CPED1: variants seen among roughly 807,000 people sequenced by gnomAD.
CPED1 encodes cadherin like and PC-esterase domain containing 1.
In CPED1, 114 loss-of-function variants were observed where a neutral mutation model predicts 128.2. That is an observed-to-expected ratio of 0.89 (90% CI 0.76 to 1.04). The LOEUF (loss-of-function observed/expected upper bound fraction) is 1.04. Among genes scored for constraint, CPED1 ranks in the 50% least tolerant of loss-of-function variants. The probability of loss-of-function intolerance (pLI) is 0.00; values close to 1 mark genes in which losing one functional copy is unlikely to be tolerated. For missense variants in CPED1, 1,211 were observed against 1,207.1 expected (o/e 1.00, Z -0.05); for synonymous variants, 462 against 426.7 (o/e 1.08, Z -1.02).
chr7:121,100,331 G>A (rs1794818813), intron 7 of CPED1, among the ~76,000 whole-genome samples: 1 of 152,034 alleles, frequency 6.6e-6, no homozygotes, highest in Non-Finnish European at 1.5e-5. Context: ...AATTCATCAT[G>A]ATAGTTCAAT....
chr7:121,111,906 T>G (rs759784032), intron 7 of CPED1, among the ~76,000 whole-genome samples: 2 of 152,176 alleles, frequency 1.3e-5, no homozygotes, highest in Non-Finnish European at 2.9e-5. Context: ...CATTTATTAT[T>G]TCTCATGGTT....
chr7:121,165,623 CCAATATTTAGAGACCTCATCAGAGTTCA>C (rs1217849319), intron 16 of CPED1, among the ~76,000 whole-genome samples: 1 of 152,102 alleles, frequency 6.6e-6, no homozygotes, highest in African/African-American at 2.4e-5. Flanking sequence ...CATTCTTTCT[CCAATATTTAGAGACCTCATCAGAGTTCA>C]CAATATGTCC....
chr7:121,125,615 C>G (rs1795483910), intron 8 of CPED1, among the ~76,000 whole-genome samples: 1 of 152,140 alleles, frequency 6.6e-6, no homozygotes, highest in Non-Finnish European at 1.5e-5. Flanking sequence ...CCAGCTTCAT[C>G]TATGTCCCTG....
At chr7:121,249,820 G>A (rs1046998334) in intron 18 of CPED1, among the ~76,000 whole-genome samples, 4 of 152,242 alleles carry the variant, frequency 2.6e-5, no homozygotes, top group Admixed American at 2.6e-4. Flanking sequence ...GATTCATAAA[G>A]CAAGTCCTTA....
chr7:121,047,633 T>C lies in CPED1; in HGVS notation c.540+640T>C, dbSNP rs185107815. ...CACTTGATATTCCTACAATTCGCCA[T>C]CTAGATAGCACCTTTCTTCTTCTTC... On this transcript the variant is annotated intron_variant, in intron 4 of 22. Coordinates refer to ENST00000310396, the MANE Select transcript of CPED1 (RefSeq NM_024913.5). Among the ~76,000 whole-genome samples, 11 of 150,298 alleles carry C rather than the reference T, an allele frequency of 7.3e-5. 1 individual carries two copies. The highest frequency in any genetic ancestry group is 2.7e-4 in the African/African-American group (11 of 40,530).
chr7:121,107,767 TTAA>T (rs1795013778), intron 7 of CPED1, among the ~76,000 whole-genome samples: 1 of 152,160 alleles, frequency 6.6e-6, no homozygotes, highest in Non-Finnish European at 1.5e-5. Context: ...TTGAAACTTA[TTAA>T]ATGTATATCA....
intron 2 of CPED1, among the ~76,000 whole-genome samples, chr7:121,012,574 T>C (rs1241016435): frequency 1.3e-5 from 2 of 152,244 alleles, no homozygotes; most frequent in East Asian, 3.8e-4. Flanking sequence ...GCGGTTGACA[T>C]AATTGTTCAC....
chr7:121,256,280 A>G (rs969419587), intron 18 of CPED1, among the ~76,000 whole-genome samples: 2 of 152,108 alleles, frequency 1.3e-5, no homozygotes, highest in African/African-American at 2.4e-5. Context: ...ATAAAGCTGC[A>G]TATCTACAAC....
chr7:121,295,471 A>C lies in CPED1; in HGVS notation c.2900A>C (p.Asn967Thr), dbSNP rs1371792952. ...VVKSKLSKEY[N>T]FIKMKRSRNH... ...AAATCAAAGTTATCCAAAGAATATA[A>C]CTTTATTAAAATGAAAAGATCAAGA... Residue 967 changes from asparagine (N) to threonine (T), a missense_variant, in exon 23 of 23, where the codon AAC becomes ACC. Transcript: ENST00000310396. 6.2e-7 allele frequency: 1 copy of C among 1,613,276 alleles called. No homozygotes were observed. The highest frequency in any genetic ancestry group is 8.5e-7 in the Non-Finnish European group (1 of 1,179,626).
At position 121,122,999 on chromosome 7, in the gene CPED1, A is replaced by T. The variant is rs117420555; in HGVS notation, c.919-1332A>T. Among the ~76,000 whole-genome samples the T allele has an allele frequency of 1.6e-4, 25 of 152,312 alleles. No homozygotes were observed. The East Asian group carries it at 4.0e-3, about 25-fold the overall frequency. On this transcript the variant is annotated intron_variant, in intron 7 of 22. Transcript: ENST00000310396. Reference sequence around the variant, plus strand: ...TGTCACACACAAACCTTTCTACATAATATGGTGAAAGGAATGAAATATAAT... The same window carrying T: ...TGTCACACACAAACCTTTCTACATATTATGGTGAAAGGAATGAAATATAAT...
chr7:121,236,638 A>T (rs1798261584), intron 16 of CPED1, 76 bp from the exon 17 acceptor site: 1 of 812,012 alleles, frequency 1.2e-6, no homozygotes, highest in Non-Finnish European at 1.9e-6. Context: ...TGCCACATAA[A>T]GTCTTATTTT....
intron 22 of CPED1, among the ~76,000 whole-genome samples, chr7:121,289,469 T>C (rs1001650398): frequency 6.6e-6 from 1 of 152,182 alleles, no homozygotes; most frequent in African/African-American, 2.4e-5. Flanking sequence ...GTATAGATCT[T>C]TACAGATTTC....
At chr7:121,193,718 T>C (rs1436118710) in intron 16 of CPED1, among the ~76,000 whole-genome samples, 1 of 152,060 alleles carries the variant, frequency 6.6e-6, no homozygotes, top group Non-Finnish European at 1.5e-5. Context: ...TGTTGTTAAC[T>C]CTACAGAGGA....
At chr7:121,159,105 C>G (rs966964080) in intron 16 of CPED1, among the ~76,000 whole-genome samples, 3 of 152,058 alleles carry the variant, frequency 2.0e-5, no homozygotes, top group African/African-American at 7.2e-5. Context: ...TTTTCAGACT[C>G]TCTCCAAAAC....
chr7:121,251,153 G>T (rs1248390887), intron 18 of CPED1, among the ~76,000 whole-genome samples: 2 of 152,152 alleles, frequency 1.3e-5, no homozygotes, highest in Admixed American at 6.5e-5. Context: ...ATGCAAGGCT[G>T]GTTCAACATA....
At chr7:121,288,155 G>A (rs1048916086) in intron 22 of CPED1, among the ~76,000 whole-genome samples, 9 of 152,094 alleles carry the variant, frequency 5.9e-5, no homozygotes, top group Non-Finnish European at 1.2e-4. Context: ...AATGCTCCTG[G>A]ATTCAATTCA....
At chr7:121,222,894 A>G (rs979134344) in intron 16 of CPED1, among the ~76,000 whole-genome samples, 3 of 152,178 alleles carry the variant, frequency 2.0e-5, no homozygotes, top group African/African-American at 7.2e-5. Context: ...CAATCATGTC[A>G]TCTGCAAACA....
At chr7:121,164,316 G>A (rs185123827) in intron 16 of CPED1, among the ~76,000 whole-genome samples, 2 of 152,310 alleles carry the variant, frequency 1.3e-5, no homozygotes, top group Admixed American at 1.3e-4. Flanking sequence ...TAGGCCTTAA[G>A]TGTTTCTGAC....
At chr7:121,029,382 T>C (rs1792674874) in intron 3 of CPED1, among the ~76,000 whole-genome samples, 1 of 152,190 alleles carries the variant, frequency 6.6e-6, no homozygotes, top group Non-Finnish European at 1.5e-5. Context: ...TGTTTTAAGA[T>C]TGAGGACTTT....
Sources: allele counts gnomAD v4.1 joint callset (sites outside exome capture counted in the v4.1 genomes callset), GRCh38; gene constraint gnomAD v4.1.1; transcripts MANE v1.5; gene names NCBI Gene and HGNC (gene_info 2026-07-23, HGNC 2026-07-21).